The following CSMD1 variants were observed in gnomAD, a reference collection of about 807,000 sequenced individuals.
CSMD1 encodes the protein CUB and Sushi multiple domains 1, also known as CUB and sushi domain-containing protein 1.
Under a neutral mutation model 417.5 loss-of-function variants are expected in CSMD1, and 213 were observed. That is an observed-to-expected ratio of 0.51 (90% CI 0.46 to 0.57). CSMD1 has a LOEUF of 0.57. Ranked by LOEUF, CSMD1 falls within the 20% of genes least tolerant of loss-of-function variation. The probability of loss-of-function intolerance (pLI) is 0.00; values close to 1 mark genes in which losing one functional copy is unlikely to be tolerated. For missense variants in CSMD1, 6,923 were observed against 4,529.7 expected (o/e 1.53, Z -15.17); for synonymous variants, 2,862 against 1,736.8 (o/e 1.65, Z -16.11).
chr8:3,309,776 C>T (rs1584974801), intron 23 of CSMD1, among the ~76,000 whole-genome samples: 1 of 152,166 alleles, frequency 6.6e-6, no homozygotes, highest in South Asian at 2.1e-4. Context: ...GTCTGAGATG[C>T]CCTTCCATTG....
intron 3 of CSMD1, among the ~76,000 whole-genome samples, chr8:4,390,809 G>A (rs1318283972): frequency 1.3e-5 from 2 of 152,046 alleles, no homozygotes; most frequent in Non-Finnish European, 2.9e-5. Flanking sequence ...CCAAAGTGCT[G>A]GGATTACAGA....
At chr8:3,376,102 T>G (rs569155575) in intron 18 of CSMD1, among the ~76,000 whole-genome samples, 1 of 152,330 alleles carries the variant, frequency 6.6e-6, no homozygotes, top group African/African-American at 2.4e-5. Flanking sequence ...TGATAGATTT[T>G]AAACTTCTGT....
chr8:3,142,590 G>C lies in CSMD1; in HGVS notation c.6116C>G (p.Pro2039Arg), dbSNP rs1343347549. The change falls in exon 41 of 70, where the codon CCC (proline) becomes CGC (arginine). Residue 2039 changes from proline (P) to arginine (R), a missense_variant. Transcript: ENST00000635120. ...EIQNGPYHTSPMIGQFSGTDL... is the reference protein window; with the variant it reads ...EIQNGPYHTSRMIGQFSGTDL... ...CGTGCCGCTAAATTGTCCAATCATG[G>C]GGCTGGTGTGGTAAGGTCCATTTTG... is the stretch of plus-strand genomic sequence containing the variant. 1 of 1,613,936 alleles carries C rather than the reference G, an allele frequency of 6.2e-7. No individual in the cohort carries two copies. Among genetic ancestry groups the C allele is most frequent in the Non-Finnish European group, 8.5e-7 (1 of 1,179,870 alleles).
intron 45 of CSMD1, chr8:3,106,921 G>A (rs762757378): frequency 3.2e-5 from 9 of 285,562 alleles, no homozygotes; most frequent in Non-Finnish European, 5.2e-5. Flanking sequence ...CCCAGTGATT[G>A]CTGACGAAAA....
intron 3 of CSMD1, among the ~76,000 whole-genome samples, chr8:4,043,844 T>A (rs574829053): frequency 6.6e-6 from 1 of 152,158 alleles, no homozygotes; most frequent in African/African-American, 2.4e-5. Flanking sequence ...CAATTTCACA[T>A]ACAAAAATGA....
intron 5 of CSMD1, among the ~76,000 whole-genome samples, chr8:3,913,148 C>A (rs1241850945): frequency 5.3e-5 from 8 of 152,038 alleles, no homozygotes; most frequent in South Asian, 2.1e-4. Context: ...TTTGAAGTAT[C>A]CATGTTACAT....
At chr8:3,796,852 A>C (rs1800182108) in intron 5 of CSMD1, among the ~76,000 whole-genome samples, 1 of 151,590 alleles carries the variant, frequency 6.6e-6, no homozygotes, top group African/African-American at 2.4e-5. Context: ...AATTGTCAAC[A>C]TTTCATTCTA....
intron 26 of CSMD1, among the ~76,000 whole-genome samples, chr8:3,273,136 T>A (rs79530004): frequency 2.7e-5 from 4 of 150,934 alleles, no homozygotes; most frequent in Non-Finnish European, 2.9e-5. Flanking sequence ...GAGTTTTTAG[T>A]ATGAAAGGTT....
intron 41 of CSMD1, among the ~76,000 whole-genome samples, chr8:3,125,984 G>GA (rs1312149167): frequency 6.6e-6 from 1 of 152,058 alleles, no homozygotes; most frequent in Non-Finnish European, 1.5e-5. Context: ...CTCAAAAAAA[G>GA]AAAAAAGTTG....
intron 2 of CSMD1, among the ~76,000 whole-genome samples, chr8:4,548,381 A>G (rs1797725000): frequency 6.6e-6 from 1 of 152,144 alleles, no homozygotes; most frequent in Non-Finnish European, 1.5e-5. Context: ...TTGAATATTC[A>G]TGTTGTATAT....
At chr8:4,238,273 A>G (rs1376487819) in intron 3 of CSMD1, among the ~76,000 whole-genome samples, 1 of 152,204 alleles carries the variant, frequency 6.6e-6, no homozygotes, top group Non-Finnish European at 1.5e-5. Flanking sequence ...ACTAGGGACT[A>G]GAGACATGAA....
Position 3,997,966 on chromosome 8 carries a change from T to G in CSMD1, c.755A>C (p.Asp252Ala). Residue 252 changes from aspartate to alanine, a missense_variant, in exon 5 of 70, where the codon GAC (aspartate) becomes GCC (alanine). Physicochemically the swap from Asp to Ala is moderately radical, Grantham distance 126. Transcript: ENST00000635120. ...ATCATATCCTTCTTCTAGCTGAAAGTCAGTGAAGACCAGCGCAATGGTGTC... is the reference window on the plus strand; with the variant it reads ...ATCATATCCTTCTTCTAGCTGAAAGGCAGTGAAGACCAGCGCAATGGTGTC... ...PGDTIALVFTDFQLEEGYDFL... is the reference protein window; with the variant it reads ...PGDTIALVFTAFQLEEGYDFL... 6.2e-7 allele frequency: 1 copy of G among 1,611,864 alleles called. No homozygotes were observed. The highest frequency in any genetic ancestry group is 8.5e-7 in the Non-Finnish European group (1 of 1,178,934).
At chr8:4,666,889 CCTG>C (rs1219189562) in intron 1 of CSMD1, among the ~76,000 whole-genome samples, 4 of 151,868 alleles carry the variant, frequency 2.6e-5, no homozygotes, top group African/African-American at 7.3e-5. Context: ...TTTTAGTGCT[CCTG>C]CTTTTTGTGT....
At chr8:4,742,254 T>A (rs1810664300) in intron 1 of CSMD1, among the ~76,000 whole-genome samples, 1 of 151,158 alleles carries the variant, frequency 6.6e-6, no homozygotes, top group Non-Finnish European at 1.5e-5. Flanking sequence ...ATGGTCTCGA[T>A]CTCCTGACCT....
intron 3 of CSMD1, among the ~76,000 whole-genome samples, chr8:4,309,846 A>G (rs189586762): frequency 7.2e-5 from 11 of 152,232 alleles, no homozygotes; most frequent in South Asian, 2.1e-4. Flanking sequence ...CTGTCTGAGT[A>G]TTTTCTCTGC....
In CSMD1 at chr8:4,274,824, C is replaced by T. The variant is rs182520195; in HGVS notation, c.415+145129G>A. ...CCACCCTCAACAAAATTTATGACTG[C>T]TTTGCTTTGAAAACTATTGTACTGC... On this transcript the variant is annotated intron_variant, in intron 3 of 69. Transcript: ENST00000635120. Among the ~76,000 whole-genome samples the T allele has an allele frequency of 2.0e-5, 3 of 152,182 alleles. No individual in the cohort carries two copies. In the South Asian group the frequency reaches 6.2e-4, roughly 32 times the overall value.
chr8:3,598,527 T>G (rs1307317480), intron 8 of CSMD1, among the ~76,000 whole-genome samples: 2 of 152,180 alleles, frequency 1.3e-5, no homozygotes, highest in Non-Finnish European at 2.9e-5. Flanking sequence ...GCCCTGGCTG[T>G]GACGTCTCCC....
At chr8:3,272,127 C>A (rs201783083) in intron 26 of CSMD1, among the ~76,000 whole-genome samples, 1 of 147,204 alleles carries the variant, frequency 6.8e-6, no homozygotes, top group Admixed American at 6.9e-5. Flanking sequence ...AGGAAGGGAT[C>A]CAGTTTCAGC....
rs545794230 is a variant in CSMD1, at chr8:3,768,220, A to G, written c.819-14178T>C. On this transcript the variant is annotated intron_variant, in intron 5 of 69. Transcript: ENST00000635120. ...AGAGTGGTTCCTGGCATAGACAACCATACAGTGGCCAATGGCAACAAGGCG... is the reference window on the plus strand; with the variant it reads ...AGAGTGGTTCCTGGCATAGACAACCGTACAGTGGCCAATGGCAACAAGGCG... Among the ~76,000 whole-genome samples, 180 of 152,260 alleles carry G rather than the reference A, an allele frequency of 1.2e-3. 2 individuals carry two copies. The highest frequency in any genetic ancestry group is 4.0e-3 in the African/African-American group (168 of 41,560).
Sources: gnomAD v4.1 joint callset for allele counts (sites outside exome capture counted in the v4.1 genomes callset) on GRCh38, gnomAD v4.1.1 for gene constraint, MANE v1.5 for transcripts, NCBI Gene and HGNC (gene_info 2026-07-23, HGNC 2026-07-21) for gene names.